The following ARHGAP24 variants were observed in gnomAD, a reference collection of about 807,000 sequenced individuals.
The protein encoded by ARHGAP24 is rho GTPase-activating protein 24.
A neutral mutation model predicts 76.4 loss-of-function variants in ARHGAP24; 50 were observed. That is an observed-to-expected ratio of 0.65 (90% CI 0.52 to 0.83). The LOEUF is 0.83. Ranked by LOEUF, ARHGAP24 falls within the 40% of genes least tolerant of loss-of-function variation. The probability of loss-of-function intolerance (pLI) is 0.00; values close to 1 mark genes in which losing one functional copy is unlikely to be tolerated. For synonymous variants in ARHGAP24, 345 were observed against 323.3 expected (o/e 1.07, Z -0.72); for missense variants, 930 against 914.2 (o/e 1.02, Z -0.22).
chr4:85,674,940 G>T (rs1372530406), intron 2 of ARHGAP24, among the ~76,000 whole-genome samples: 1 of 152,216 alleles, frequency 6.6e-6, no homozygotes, highest in Non-Finnish European at 1.5e-5. Context: ...AATTAGAGTT[G>T]CACAGATCTC....
At chr4:85,733,642 G>T (rs1725501068) in intron 3 of ARHGAP24, among the ~76,000 whole-genome samples, 2 of 152,122 alleles carry the variant, frequency 1.3e-5, no homozygotes, top group South Asian at 4.1e-4. Context: ...GAGGCTAGAA[G>T]TTCAAGATCA....
rs993419468 is a variant in ARHGAP24 at position 85,545,564 on chromosome 4, G to A, written c.-20-24958G>A. ...ATTTGCTGCTTTCTGCAAAGGATGC[G>A]CAAGAGACAGCTTCTGAGCCCTTTC... On this transcript the variant is annotated intron_variant, in intron 1 of 9. Transcript: ENST00000395184. Among the ~76,000 whole-genome samples, 45 of 152,188 alleles carry A rather than the reference G, an allele frequency of 3.0e-4. 1 individual carries two copies. The highest frequency in any genetic ancestry group is 4.6e-4 in the Admixed American group (7 of 15,284).
intron 2 of ARHGAP24, among the ~76,000 whole-genome samples, chr4:85,712,552 C>G (rs1724567505): frequency 1.3e-5 from 2 of 152,128 alleles, no homozygotes; most frequent in Non-Finnish European, 2.9e-5. Flanking sequence ...GAGGACTAGA[C>G]TGTCTTCTGA....
intron 8 of ARHGAP24, among the ~76,000 whole-genome samples, chr4:85,979,129 A>G (rs1739496217): frequency 6.6e-6 from 1 of 152,204 alleles, no homozygotes; most frequent in Admixed American, 6.5e-5. Context: ...CCTACAAGTT[A>G]GGACCTGGAT....
intron 3 of ARHGAP24, among the ~76,000 whole-genome samples, chr4:85,725,019 T>C (rs988168460): frequency 2.0e-5 from 3 of 152,218 alleles, no homozygotes; most frequent in Admixed American, 1.3e-4. Context: ...AGAAAGAACA[T>C]GCAGTTGGTT....
At chr4:85,800,916 G>T (rs545682404) in intron 3 of ARHGAP24, among the ~76,000 whole-genome samples, 14 of 152,178 alleles carry the variant, frequency 9.2e-5, no homozygotes, top group Non-Finnish European at 1.6e-4. Flanking sequence ...AGGAGAAAAA[G>T]ATCATTCATA....
At chr4:85,928,564 T>C (rs1186750077) in intron 4 of ARHGAP24, among the ~76,000 whole-genome samples, 2 of 152,124 alleles carry the variant, frequency 1.3e-5, no homozygotes, top group Non-Finnish European at 2.9e-5. Context: ...TTCCAGTGAT[T>C]CTCCTGCCTC....
At chr4:85,682,134 T>C (rs977539275) in intron 2 of ARHGAP24, among the ~76,000 whole-genome samples, 6 of 152,206 alleles carry the variant, frequency 3.9e-5, no homozygotes, top group Admixed American at 2.0e-4. Context: ...TCTGGAAGCA[T>C]TGACCAAGCT....
chr4:85,942,905 T>A (rs1280311032), intron 5 of ARHGAP24, among the ~76,000 whole-genome samples: 2 of 152,066 alleles, frequency 1.3e-5, no homozygotes, highest in Non-Finnish European at 2.9e-5. Flanking sequence ...AAAATAAAAT[T>A]TTATCTTAAT....
At chr4:85,643,834 G>A (rs1204455108) in intron 2 of ARHGAP24, among the ~76,000 whole-genome samples, 1 of 152,064 alleles carries the variant, frequency 6.6e-6, no homozygotes, top group African/African-American at 2.4e-5. Flanking sequence ...TTATTTGTAG[G>A]GGCATATGCA....
At chr4:85,634,883 C>T (rs183738071) in intron 2 of ARHGAP24, among the ~76,000 whole-genome samples, 7 of 151,818 alleles carry the variant, frequency 4.6e-5, no homozygotes, top group East Asian at 1.9e-4. Context: ...TCTCATTTCT[C>T]ATTTTTTCCT....
chr4:85,919,353 G>C (rs1393697769), intron 3 of ARHGAP24, among the ~76,000 whole-genome samples: 1 of 152,180 alleles, frequency 6.6e-6, no homozygotes, highest in Non-Finnish European at 1.5e-5. Context: ...GAGGGGTTAT[G>C]CATTAGAACA....
At chr4:85,776,494 G>A (rs532394380) in intron 3 of ARHGAP24, among the ~76,000 whole-genome samples, 79 of 152,304 alleles carry the variant, frequency 5.2e-4, no homozygotes, top group Non-Finnish European at 8.8e-4. Flanking sequence ...GTTTTAGATT[G>A]TATTGGATCA....
chr4:85,972,851 G>A (rs749623148), intron 6 of ARHGAP24, among the ~76,000 whole-genome samples: 3 of 152,014 alleles, frequency 2.0e-5, no homozygotes, highest in Non-Finnish European at 2.9e-5. Flanking sequence ...TTTTTGGTGT[G>A]TGTGCACGAT....
In ARHGAP24 at chr4:85,929,321, T is replaced by C. The variant is rs116660199; in HGVS notation, c.391+5551T>C. 3.0e-3 allele frequency among the ~76,000 whole-genome samples: 450 copies of C among 152,356 alleles called. 5 individuals carry two copies. Among genetic ancestry groups the C allele is most frequent in the African/African-American group, 0.01 (436 of 41,584 alleles). Reference sequence around the variant, plus strand: ...TGACAAAAGATTACCTACATGGGCATGCTAGTCAGAGTAATGATGTTTTTA... The same window carrying C: ...TGACAAAAGATTACCTACATGGGCACGCTAGTCAGAGTAATGATGTTTTTA... On this transcript the variant is annotated intron_variant, in intron 4 of 9. Transcript: ENST00000395184.
At chr4:85,711,652 G>A (rs1724531771) in intron 2 of ARHGAP24, among the ~76,000 whole-genome samples, 1 of 152,056 alleles carries the variant, frequency 6.6e-6, no homozygotes, top group South Asian at 2.1e-4. Context: ...CAAATATGTG[G>A]AAAATTATTA....
At chr4:85,655,883 T>G (rs904744065) in intron 2 of ARHGAP24, among the ~76,000 whole-genome samples, 1 of 135,606 alleles carries the variant, frequency 7.4e-6, no homozygotes, top group South Asian at 2.4e-4. Flanking sequence ...CTTGAAAGAG[T>G]AAGTATACTG....
At position 85,754,742 on chromosome 4, in the gene ARHGAP24, T is replaced by C. The variant is rs140127893; in HGVS notation, c.268+32770T>C. Among the ~76,000 whole-genome samples the C allele has an allele frequency of 5.8e-3, 883 of 152,320 alleles. 10 individuals are homozygous for C. Among genetic ancestry groups the C allele is most frequent in the African/African-American group, 0.02 (839 of 41,564 alleles). ...GCAATTGGTAAAAGGCTTGAACATC[T>C]GCCAAATACTACAAGCAGCCAGAAA... On this transcript the variant is annotated intron_variant, in intron 3 of 9. Coordinates refer to ENST00000395184, the MANE Select transcript of ARHGAP24 (RefSeq NM_001025616.3).
intron 8 of ARHGAP24, among the ~76,000 whole-genome samples, chr4:85,992,537 G>C (rs745912375): frequency 2.6e-5 from 4 of 152,068 alleles, no homozygotes; most frequent in Non-Finnish European, 5.9e-5. Context: ...ACATTCCAAT[G>C]ATAGGAAAAA....
Sources: allele counts gnomAD v4.1 joint callset (sites outside exome capture counted in the v4.1 genomes callset), GRCh38; gene constraint gnomAD v4.1.1; transcripts MANE v1.5; gene names NCBI Gene and HGNC (gene_info 2026-07-23, HGNC 2026-07-21).